The following ZNF398 variants were observed in gnomAD, a reference collection of about 807,000 sequenced individuals.
The protein encoded by ZNF398 is zinc finger protein 398, also known as zinc finger DNA binding protein ZER6.
ZNF398 carries 18 observed loss-of-function variants against 41.9 expected under a neutral mutation model. That is an observed-to-expected ratio of 0.43 (90% CI 0.30 to 0.64). The LOEUF is 0.64. ZNF398 is among the 30% of genes least tolerant of loss of function. ZNF398 has a pLI of 0.14. For missense variants in ZNF398, 669 were observed against 822.8 expected (o/e 0.81, Z 2.29); for synonymous variants, 260 against 308.8 (o/e 0.84, Z 1.66).
Position 149,153,985 on chromosome 7 carries a change from C to A in ZNF398, c.65C>A (p.Pro22His). The change falls in exon 2 of 6, where the codon CCC becomes CAC. Residue 22 changes from proline (P) to histidine (H), a missense_variant. Physicochemically the swap from Pro to His is moderately conservative, Grantham distance 77 (BLOSUM62 -2). This residue lies in a region of ZNF398 where 169 missense variants were observed against 239.5 expected (regional missense o/e 0.71). Coordinates refer to ENST00000475153, the MANE Select transcript of ZNF398 (RefSeq NM_170686.3). The stretch of plus-strand genomic sequence containing the variant: ...TCCGAGTGCCTTACATCCCTGCAGC[C>A]CCTTCCTCTTCCTACACCCCCAGCA... ...WDSECLTSLQ[P>H]LPLPTPPAAN... 1.1e-5 allele frequency: 17 copies of A among 1,613,954 alleles called. No homozygotes were observed. The highest frequency in any genetic ancestry group is 1.4e-5 in the Non-Finnish European group (17 of 1,179,944).
At chr7:149,145,154 A>G (rs1417885845), upstream of ZNF398, among the ~76,000 whole-genome samples, 2 of 152,154 alleles carry the variant, frequency 1.3e-5, no homozygotes, top group Non-Finnish European at 2.9e-5. Flanking sequence ...TGTGATTTAC[A>G]GATAGTTATA....
chr7:149,161,711 T>C (rs1294746893), intron 2 of ZNF398, among the ~76,000 whole-genome samples: 1 of 150,006 alleles, frequency 6.7e-6, no homozygotes, highest in Non-Finnish European at 1.5e-5. Flanking sequence ...AAAGCAAACA[T>C]ACCAGGAAAA....
chr7:149,127,548 C>CAAAAAAAAAAA (rs61080328), intron 1 of ZNF398, among the ~76,000 whole-genome samples: 84 of 74,718 alleles, frequency 1.1e-3, no homozygotes, highest in Non-Finnish European at 1.3e-3. Context: ...ACTAAAAATA[C>CAAAAAAAAAAA]AAAAAAAAAA....
intron 5 of ZNF398, among the ~76,000 whole-genome samples, chr7:149,178,097 C>G (rs1229270624): frequency 3.3e-5 from 5 of 152,208 alleles, no homozygotes; most frequent in Admixed American, 2.6e-4. Context: ...CGAGACCATC[C>G]TGGCTAACAC....
At chr7:149,173,621 G>A (rs139743624) in intron 4 of ZNF398, among the ~76,000 whole-genome samples, 2,886 of 152,134 alleles carry the variant, frequency 0.019, 42 homozygotes, top group Admixed American at 0.029. Context: ...GACCAGGTGC[G>A]TTGTCAATGA....
At chr7:149,151,447 G>A (rs765278363) in intron 1 of ZNF398, among the ~76,000 whole-genome samples, 8 of 152,198 alleles carry the variant, frequency 5.3e-5, no homozygotes, top group East Asian at 3.8e-4. Context: ...GGAGGTTGTC[G>A]TCAGAGAGTG....
chr7:149,162,669 A>G (rs1250644837), intron 2 of ZNF398, among the ~76,000 whole-genome samples: 1 of 152,190 alleles, frequency 6.6e-6, no homozygotes, highest in Admixed American at 6.6e-5. Context: ...ATGTAGAACT[A>G]TATAACCAGC....
intron 2 of ZNF398, among the ~76,000 whole-genome samples, chr7:149,130,863 G>A (rs1015699685): frequency 1.1e-4 from 17 of 152,162 alleles, no homozygotes; most frequent in East Asian, 5.8e-4. Context: ...TAAAATGAGC[G>A]GCTTCTATTG....
chr7:149,155,063 G>T (rs916788712), intron 2 of ZNF398, among the ~76,000 whole-genome samples: 8 of 149,680 alleles, frequency 5.3e-5, no homozygotes, highest in Non-Finnish European at 1.0e-4. Context: ...GAGGCAGGTG[G>T]ATCTCCTGAG....
At chr7:149,131,282 C>A (rs10273611) in intron 2 of ZNF398, among the ~76,000 whole-genome samples, 21,301 of 152,140 alleles carry the variant, frequency 0.14, 1,675 homozygotes, top group African/African-American at 0.22. Context: ...TTGCCAACTT[C>A]TAGTTAAGTT....
At chr7:149,148,355 G>A in intron 1 of ZNF398, 5 of 852,894 alleles carry the variant, frequency 5.9e-6, no homozygotes, top group Non-Finnish European at 7.1e-6. Context: ...AAGGCCTGCG[G>A]GGGCCGGCAG....
chr7:149,176,704 C>A, intron 5 of ZNF398, 123 bp downstream of exon 5: 2 of 597,192 alleles, frequency 3.3e-6, no homozygotes, highest in Non-Finnish European at 2.9e-6. Context: ...AAAGAAAAAG[C>A]CATGCTCAAC....
chr7:149,174,969 G>A (rs532297170), intron 4 of ZNF398, among the ~76,000 whole-genome samples: 13 of 152,210 alleles, frequency 8.5e-5, no homozygotes, highest in African/African-American at 2.9e-4. Context: ...ATAACATCTG[G>A]AAGAGAACAA....
Position 149,147,722 on chromosome 7 carries a change from C to G in ZNF398, c.-21C>G. On this transcript the variant is annotated 5_prime_UTR_variant, in exon 1 of 6. Coordinates refer to ENST00000475153, the MANE Select transcript of ZNF398 (RefSeq NM_170686.3). This position sits in a 1 kb window ranked among gnomAD's most constrained non-coding sequence, Gnocchi z 5.6. ...GGCAGCGGCGGCGACTTCCGAGGCC[C>G]GGGCTAGACAGCGCAGGGCCATGGC... is the stretch of plus-strand genomic sequence containing the variant. The G allele has an allele frequency of 7.7e-7, 1 of 1,303,390 alleles. No homozygotes were observed. The highest frequency in any genetic ancestry group is 4.1e-5 in the Admixed American group (1 of 24,650). The allele number at this position is 1,303,390 out of a possible 1,614,324, so 80.7% of individuals were successfully genotyped here.
chr7:149,166,855 C>G lies in ZNF398; in HGVS notation c.586C>G (p.Gln196Glu), dbSNP rs1354011743. ...INQPDVLSQI[Q>E]PEGEHNTEDQ... ...TCAACCTGATGTCTTATCTCAGATT[C>G]AACCAGAAGGGGAACATAATACAGA... The change falls in exon 4 of 6, where the codon CAA becomes GAA. Residue 196 changes from glutamine to glutamate, a missense_variant. Coordinates refer to ENST00000475153, the MANE Select transcript of ZNF398 (RefSeq NM_170686.3). 6.2e-7 allele frequency: 1 copy of G among 1,613,150 alleles called. No homozygotes were observed. Among genetic ancestry groups the G allele is most frequent in the Non-Finnish European group, 8.5e-7 (1 of 1,179,336 alleles).
intron 4 of ZNF398, among the ~76,000 whole-genome samples, chr7:149,168,305 T>A (rs1795265201): frequency 6.6e-6 from 1 of 151,978 alleles, no homozygotes; most frequent in African/African-American, 2.4e-5. Context: ...CTCGAACTCC[T>A]GACCTCAAGT....
Position 149,147,928 on chromosome 7 carries a change from A to T in ZNF398, c.24+162A>T, listed in dbSNP as rs1826998598. On this transcript the variant is annotated intron_variant, in intron 1 of 5. Transcript: ENST00000475153. The surrounding 1 kb of genome is among the most constrained non-coding windows in gnomAD (Gnocchi z 5.6). The stretch of plus-strand genomic sequence containing the variant: ...GGCGGCTGCAGCCTCGCGTGAGGGG[A>T]CTTAGCGGGTGGGTGTGAAACCGCC... Among the ~76,000 whole-genome samples the T allele has an allele frequency of 6.6e-6, 1 of 151,646 alleles. No individual in the cohort carries two copies. Among genetic ancestry groups the T allele is most frequent in the Non-Finnish European group, 1.5e-5 (1 of 67,892 alleles).
At position 149,147,660 on chromosome 7, in the gene ZNF398, G is replaced by A. The variant is rs925373206; in HGVS notation, c.-83G>A. ...CGCCGCCTGTGGAGAGGACCCGGCG[G>A]CCGGGCCTGCTTGGAGCCGGGCGCG... On this transcript the variant is annotated 5_prime_UTR_variant, in exon 1 of 6. Coordinates refer to ENST00000475153, the MANE Select transcript of ZNF398 (RefSeq NM_170686.3). The surrounding 1 kb of genome is among the most constrained non-coding windows in gnomAD (Gnocchi z 5.6). The A allele has an allele frequency of 1.9e-5, 24 of 1,232,640 alleles. No homozygotes were observed. In the African/African-American group the frequency reaches 3.0e-4, roughly 15 times the overall value. The allele number at this position is 1,232,640 out of a possible 1,614,324, so 76.4% of individuals were successfully genotyped here. A position where few individuals can be genotyped will look rare whatever the true frequency, so the allele number is the denominator to read the frequency against.
chr7:149,133,101 C>A (rs1324285204), intron 2 of ZNF398, among the ~76,000 whole-genome samples: 3 of 151,654 alleles, frequency 2.0e-5, no homozygotes, highest in African/African-American at 4.8e-5. Flanking sequence ...TTTAGTGCAA[C>A]CTGTTTTATC....
Sources: allele counts gnomAD v4.1 joint callset (sites outside exome capture counted in the v4.1 genomes callset), GRCh38; gene constraint gnomAD v4.1.1; regional missense constraint gnomAD v4.1.1; non-coding constraint Gnocchi (gnomAD v3.1); transcripts MANE v1.5; gene names NCBI Gene and HGNC (gene_info 2026-07-23, HGNC 2026-07-21).